Variants in PFAS observed in about 807,000 individuals in gnomAD.
The protein encoded by PFAS is phosphoribosylformylglycinamidine synthase.
In PFAS, 97 loss-of-function variants were observed where a neutral mutation model predicts 140.6. The ratio of observed to expected loss-of-function variants is 0.69; its 90% CI spans 0.59 to 0.82. The LOEUF (loss-of-function observed/expected upper bound fraction) is 0.82. PFAS is among the 40% of genes least tolerant of loss of function. PFAS has a pLI of 0.00. For missense variants in PFAS, 1,656 were observed against 1,780.2 expected, an observed-to-expected ratio of 0.93 and a Z score of 1.26; for synonymous variants, 679 against 718.8, an observed-to-expected ratio of 0.94 and a Z score of 0.88.
intron 1 of PFAS, among the ~76,000 whole-genome samples, chr17:8,250,976 T>A (rs960484242): frequency 9.2e-5 from 14 of 151,928 alleles, no homozygotes; most frequent in Admixed American, 3.9e-4. Context: ...TTTTTTTTTT[T>A]TTATTTTTTT....
intron 6 of PFAS, 147 bp downstream of exon 6, chr17:8,256,057 A>C: frequency 7.5e-6 from 6 of 798,186 alleles, no homozygotes; most frequent in Non-Finnish European, 1.0e-5. Context: ...AGGAGTCTAC[A>C]TTCAAATCTT....
Position 8,255,629 on chromosome 17 carries a change from A to G in PFAS, c.512A>G (p.Asn171Ser), listed in dbSNP as rs771661566. The change falls in exon 5 of 28, where the codon AAT becomes AGT. Residue 171 changes from asparagine to serine, a missense_variant. Physicochemically the swap from Asn to Ser is conservative, Grantham distance 46 (BLOSUM62 1). This residue lies in a region of PFAS where 773 missense variants were observed against 757.3 expected (regional missense o/e 1.02). Transcript: ENST00000314666. ...CCTGAGAGCATGCCGGAACCCCTCA[A>G]TGGCCCTATCAATATACTGGGTGAG... Reference protein sequence around the residue: ...FSPESMPEPLNGPINILGEGR... With the variant: ...FSPESMPEPLSGPINILGEGR... The G allele has an allele frequency of 1.1e-5, 17 of 1,581,944 alleles. No homozygotes were observed. Among genetic ancestry groups the G allele is most frequent in the South Asian group, 2.3e-5 (2 of 85,456 alleles).
rs2151590268 is a variant in PFAS, at chr17:8,263,172, G to A, written c.1474G>A (p.Glu492Lys). The A allele has an allele frequency of 6.2e-7, 1 of 1,614,012 alleles. No homozygotes were observed. Among genetic ancestry groups the A allele is most frequent in the South Asian group, 1.1e-5 (1 of 91,070 alleles). The stretch of plus-strand genomic sequence containing the variant: ...TGTGCAGCGAGGAGACCCGGAGATG[G>A]AACAGAAGATGAACCGTGTGATCAG... ...GAVQRGDPEMEQKMNRVIRAC... is the reference protein window; with the variant it reads ...GAVQRGDPEMKQKMNRVIRAC... The change falls in exon 13 of 28, where the codon GAA (glutamate) becomes AAA (lysine). Residue 492 changes from glutamate (E) to lysine (K), a missense_variant. By Grantham distance (56) the Glu-to-Lys change is moderately conservative. Coordinates refer to ENST00000314666, the MANE Select transcript of PFAS (RefSeq NM_012393.3).
upstream of PFAS, chr17:8,247,776 G>A (rs770807791): frequency 1.7e-6 from 1 of 576,910 alleles, no homozygotes; most frequent in Non-Finnish European, 3.2e-6. Context: ...TTAAACCCTA[G>A]AGAGTGAACG....
rs753523829 is a variant in PFAS at position 8,255,490 on chromosome 17, C to T, written c.385-12C>T. The T allele has an allele frequency of 6.6e-7, 1 of 1,510,748 alleles. No homozygotes were observed. The highest frequency in any genetic ancestry group is 8.9e-7 in the Non-Finnish European group (1 of 1,129,534). 93.6% of individuals were successfully genotyped at this position (1,510,748 alleles called of 1,614,324 possible). A position where few individuals can be genotyped will look rare whatever the true frequency, so the allele number is the denominator to read the frequency against. On this transcript the variant is annotated splice_polypyrimidine_tract_variant and intron_variant, in intron 4 of 27. Transcript: ENST00000314666. ...TCTTCACCCCTTGCCCTCTGTGTGT[C>T]TGCACCCCTAGTTTGCCCACCCCCC...
intron 11 of PFAS, 119 bp from the exon 12 acceptor site, chr17:8,262,801 A>G: frequency 2.5e-6 from 2 of 786,366 alleles, no homozygotes; most frequent in South Asian, 3.1e-5. Flanking sequence ...ATCTCAAAAA[A>G]AAAAAAGCTG....
intron 11 of PFAS, among the ~76,000 whole-genome samples, chr17:8,261,104 A>T (rs185451595): frequency 6.6e-6 from 1 of 152,342 alleles, no homozygotes. Flanking sequence ...CAGTTTCTCC[A>T]CATGCTTGAC....
chr17:8,260,578 A>G (rs1989551927), intron 11 of PFAS, among the ~76,000 whole-genome samples: 1 of 152,150 alleles, frequency 6.6e-6, no homozygotes, highest in African/African-American at 2.4e-5. Context: ...TTTAGCTATT[A>G]TGCATAATGC....
In PFAS at chr17:8,255,067, G is replaced by T; in HGVS notation, c.319G>T (p.Val107Leu). ...CCCAACATCCACCAACATCGTGTCA[G>T]TGTGCCGCGCCACTGGGCTGGGGCC... ...STPTSTNIVS[V>L]CRATGLGPVD... The change falls in exon 4 of 28, where the codon GTG (valine) becomes TTG (leucine). Residue 107 changes from valine (V) to leucine (L), a missense_variant. This residue lies in a region of PFAS where 773 missense variants were observed against 757.3 expected (regional missense o/e 1.02). Transcript: ENST00000314666. 1 of 1,614,050 alleles carries T rather than the reference G, an allele frequency of 6.2e-7. No homozygotes were observed. Among genetic ancestry groups the T allele is most frequent in the East Asian group, 2.2e-5 (1 of 44,874 alleles).
Position 8,265,101 on chromosome 17 carries a change from G to A in PFAS, c.2256G>A (p.Val752=), listed in dbSNP as rs755027011. Reference sequence around the variant, plus strand: ...TGGCCGAAGCCCTCACCAACCTGGTGTTTGCTCTGGTCACTGACCTCCGGG... The same window carrying A: ...TGGCCGAAGCCCTCACCAACCTGGTATTTGCTCTGGTCACTGACCTCCGGG... ...LAVAEALTNL[V]FALVTDLRDV... is the part of the protein sequence containing the mutation. The change falls in exon 18 of 28, where the codon GTG becomes GTA. Residue 752 remains valine (V), a synonymous_variant. Transcript: ENST00000314666. The A allele has an allele frequency of 6.2e-6, 10 of 1,612,806 alleles. No homozygotes were observed. Among genetic ancestry groups the A allele is most frequent in the Admixed American group, 1.7e-5 (1 of 59,988 alleles).
In PFAS at chr17:8,266,273, G is replaced by C; in HGVS notation, c.2741G>C (p.Gly914Ala). 1.2e-6 allele frequency: 2 copies of C among 1,613,986 alleles called. No individual in the cohort carries two copies. Among genetic ancestry groups the C allele is most frequent in the South Asian group, 1.1e-5 (1 of 91,076 alleles). ...TCAGGCCACGATGTCAGTGACGGAGGCCTCGTCACATGCCTGCTGGAGATG... is the reference window on the plus strand; with the variant it reads ...TCAGGCCACGATGTCAGTGACGGAGCCCTCGTCACATGCCTGCTGGAGATG... Reference protein sequence around the residue: ...LCSGHDVSDGGLVTCLLEMAF... With the variant: ...LCSGHDVSDGALVTCLLEMAF... The change falls in exon 22 of 28, where the codon GGC becomes GCC. Residue 914 changes from glycine (G) to alanine (A), a missense_variant. This residue lies in a region of PFAS where 883 missense variants were observed against 1,023.0 expected (regional missense o/e 0.86). Transcript: ENST00000314666. The surrounding 1 kb of genome is among the most constrained non-coding windows in gnomAD (Gnocchi z 5.0).
At chr17:8,265,198 C>A in intron 18 of PFAS, 73 bp downstream of exon 18, 1 of 1,564,374 alleles carries the variant, frequency 6.4e-7, no homozygotes, top group South Asian at 1.1e-5. Flanking sequence ...TGTAGCCCTT[C>A]ATTTCATGTT....
At chr17:8,255,240 G>A in intron 4 of PFAS, 108 bp downstream of exon 4, 1 of 814,816 alleles carries the variant, frequency 1.2e-6, no homozygotes, top group East Asian at 2.6e-5. Flanking sequence ...GGCCTGCTCT[G>A]TATGGTCGTA....
In PFAS at chr17:8,267,414, G is replaced by A. The variant is rs779017391; in HGVS notation, c.3218G>A (p.Ser1073Asn). 2 of 1,614,164 alleles carry A rather than the reference G, an allele frequency of 1.2e-6. No homozygotes were observed. Among genetic ancestry groups the A allele is most frequent in the Admixed American group, 1.7e-5 (1 of 60,026 alleles). The change falls in exon 25 of 28, where the codon AGT becomes AAT. Residue 1073 changes from serine (S) to asparagine (N), a missense_variant. Physicochemically the swap from Ser to Asn is conservative, Grantham distance 46. Around this residue, in one of 2 missense-constraint regions of PFAS, gnomAD observed 883 missense variants for 1,023.0 expected, o/e 0.86. Coordinates refer to ENST00000314666, the MANE Select transcript of PFAS (RefSeq NM_012393.3). The surrounding 1 kb of genome is among the most constrained non-coding windows in gnomAD (Gnocchi z 4.9). Reference protein sequence around the residue: ...PRVAILREEGSNGDREMADAF... With the variant: ...PRVAILREEGNNGDREMADAF... ...GTCGCCATCTTGCGAGAGGAGGGCA[G>A]TAATGGAGACCGGGAGATGGCCGAT... is the stretch of plus-strand genomic sequence containing the variant.
chr17:8,263,080 G>A, intron 12 of PFAS, 29 bp from the exon 13 acceptor site: 2 of 1,613,250 alleles, frequency 1.2e-6, no homozygotes, highest in South Asian at 1.1e-5. Flanking sequence ...CAGTCTCGCT[G>A]AGCTGAGCTA....
chr17:8,263,062 G>A, intron 12 of PFAS, 47 bp from the exon 13 acceptor site: 2 of 1,610,962 alleles, frequency 1.2e-6, no homozygotes, highest in Non-Finnish European at 8.5e-7. Flanking sequence ...GGAGCGTATA[G>A]GAGCTTCCAG....
Position 8,264,535 on chromosome 17 carries a change from G to A in PFAS, c.1983G>A (p.Val661=), listed in dbSNP as rs1403735916. 1.9e-6 allele frequency: 3 copies of A among 1,613,470 alleles called. No homozygotes were observed. The African/African-American group carries it at 4.0e-5, about 22-fold the overall frequency. Residue 661 remains valine, a synonymous_variant, in exon 17 of 28, where the codon GTG becomes GTA. Coordinates refer to ENST00000314666, the MANE Select transcript of PFAS (RefSeq NM_012393.3). ...QPLALPPGLS[V]HQALERVLRL... ...TGGCCTTGCCCCCAGGGCTGAGCGT[G>A]CACCAGGCTCTGGAGAGGGTTCTGA...
chr17:8,247,724 C>G, upstream of PFAS: 1 of 444,934 alleles, frequency 2.2e-6, no homozygotes, highest in Non-Finnish European at 4.1e-6. Flanking sequence ...ACCCACAGCC[C>G]CATAGTTCCC....
At position 8,263,004 on chromosome 17, in the gene PFAS, A is replaced by T; in HGVS notation, c.1410+11A>T. ...GCTTCATCTGTGCAGGTGAGTGGGA[A>T]TTGCTAAAGGTGCAGAATCCTTGAT... On this transcript the variant is annotated intron_variant, in intron 12 of 27. Transcript: ENST00000314666. 6.2e-7 allele frequency: 1 copy of T among 1,613,368 alleles called. No individual in the cohort carries two copies. The highest frequency in any genetic ancestry group is 8.5e-7 in the Non-Finnish European group (1 of 1,179,326).
Sources: allele counts gnomAD v4.1 joint callset (sites outside exome capture counted in the v4.1 genomes callset), GRCh38; gene constraint gnomAD v4.1.1; regional missense constraint gnomAD v4.1.1; non-coding constraint Gnocchi (gnomAD v3.1); transcripts MANE v1.5; gene names NCBI Gene and HGNC (gene_info 2026-07-23, HGNC 2026-07-21).